RAI14: variants seen among roughly 807,000 people sequenced by gnomAD.
RAI14 encodes ankycorbin.
RAI14 carries 45 observed loss-of-function variants against 115.4 expected under a neutral mutation model. The ratio of observed to expected loss-of-function variants is 0.39; its 90% CI spans 0.31 to 0.50. The LOEUF is 0.50. RAI14 is among the 20% of genes least tolerant of loss of function. RAI14 has a pLI of 0.85. For synonymous variants in RAI14, 371 were observed against 415.4 expected, an observed-to-expected ratio of 0.89 and a Z score of 1.30; for missense variants, 939 against 1,131.2, an observed-to-expected ratio of 0.83 and a Z score of 2.44.
At chr5:34,825,267 C>T (rs2150306564) in intron 15 of RAI14, among the ~76,000 whole-genome samples, 1 of 152,200 alleles carries the variant, frequency 6.6e-6, no homozygotes, top group South Asian at 2.1e-4. Context: ...AGAGTGAGAC[C>T]CTGCCTCAAA....
intron 2 of RAI14, among the ~76,000 whole-genome samples, chr5:34,730,787 A>T (rs941386767): frequency 3.9e-5 from 4 of 101,896 alleles, no homozygotes; most frequent in Non-Finnish European, 1.0e-4. Flanking sequence ...GTTCAAGACC[A>T]GCCTGGCCAA....
intron 1 of RAI14, among the ~76,000 whole-genome samples, chr5:34,672,736 T>C (rs1743704576): frequency 6.6e-6 from 1 of 152,160 alleles, no homozygotes; most frequent in Non-Finnish European, 1.5e-5. Flanking sequence ...GGTGACAGTG[T>C]GTTTTCATAT....
At chr5:34,767,537 T>C (rs890616986) in intron 3 of RAI14, among the ~76,000 whole-genome samples, 1 of 152,082 alleles carries the variant, frequency 6.6e-6, no homozygotes, top group East Asian at 1.9e-4. Flanking sequence ...GAAGCACTTC[T>C]GCTTTCCCTG....
At chr5:34,734,285 TC>T (rs1744576293) in intron 2 of RAI14, among the ~76,000 whole-genome samples, 1 of 152,200 alleles carries the variant, frequency 6.6e-6, no homozygotes, top group Non-Finnish European at 1.5e-5. Context: ...GCACTGCTCT[TC>T]CCTTGAGGGA....
intron 2 of RAI14, among the ~76,000 whole-genome samples, chr5:34,730,993 G>A (rs1287904347): frequency 1.3e-5 from 2 of 151,992 alleles, no homozygotes; most frequent in Non-Finnish European, 2.9e-5. Context: ...TCAAAAGAAA[G>A]GAAGAAAAAA....
At position 34,686,955 on chromosome 5, in the gene RAI14, C is replaced by T. The variant is rs1398528630; in HGVS notation, c.36C>T (p.Asp12=). The T allele has an allele frequency of 1.2e-5, 20 of 1,613,726 alleles. No individual in the cohort carries two copies. The Middle Eastern group carries it at 5.0e-4, about 40-fold the overall frequency. Residue 12 remains aspartate (D), a splice_region_variant and synonymous_variant, in exon 2 of 18, where the codon GAC becomes GAT. Transcript: ENST00000265109. ...KSLKAKFRKS[D]TNEWNKNDDR... ...TGAAAGCGAAGTTCAGGAAGAGTGA[C>T]GTGAGTATGCGGTGACTCACAGTCT... is the stretch of plus-strand genomic sequence containing the variant.
chr5:34,782,949 G>C (rs1350079492), intron 3 of RAI14, among the ~76,000 whole-genome samples: 1 of 152,124 alleles, frequency 6.6e-6, no homozygotes, highest in Admixed American at 6.5e-5. Context: ...TTTCTGGCCA[G>C]GTCCAATTCT....
In RAI14 at chr5:34,796,030, A is replaced by G; in HGVS notation, c.256+3A>G. The G allele has an allele frequency of 1.9e-6, 3 of 1,604,468 alleles. No homozygotes were observed. The highest frequency in any genetic ancestry group is 2.6e-6 in the Non-Finnish European group (3 of 1,171,766). Reference sequence around the variant, plus strand: ...TGTGACAGCCCAAGATACTACCGGTATGTGGTTTTTAGTCTCTTAAGTCAG... The same window carrying G: ...TGTGACAGCCCAAGATACTACCGGTGTGTGGTTTTTAGTCTCTTAAGTCAG... On this transcript the variant is annotated splice_donor_region_variant and intron_variant, in intron 4 of 17. Transcript: ENST00000265109.
At chr5:34,688,080 A>G in intron 2 of RAI14, 1 of 1,456,928 alleles carries the variant, frequency 6.9e-7, no homozygotes. Flanking sequence ...AAATTAAATA[A>G]AACTCATAGA....
intron 2 of RAI14, among the ~76,000 whole-genome samples, chr5:34,756,497 C>T (rs2150088796): frequency 6.6e-6 from 1 of 152,300 alleles, no homozygotes; most frequent in East Asian, 1.9e-4. Context: ...GGGCCGGGCG[C>T]AGGAGACGAC....
At chr5:34,776,463 A>T (rs72730590) in intron 3 of RAI14, among the ~76,000 whole-genome samples, 34,141 of 152,022 alleles carry the variant, frequency 0.22, 5,055 homozygotes, top group Non-Finnish European at 0.31. Context: ...CTTGAAGTGG[A>T]GGATACCCCC....
At chr5:34,783,662 G>A (rs1561357834) in intron 3 of RAI14, among the ~76,000 whole-genome samples, 1 of 152,164 alleles carries the variant, frequency 6.6e-6, no homozygotes, top group Non-Finnish European at 1.5e-5. Flanking sequence ...CATATGTGGT[G>A]TTCTGTACTC....
intron 5 of RAI14, among the ~76,000 whole-genome samples, chr5:34,806,824 G>C (rs1754961002): frequency 6.6e-6 from 1 of 152,204 alleles, no homozygotes; most frequent in Non-Finnish European, 1.5e-5. Context: ...GGGTTATCAA[G>C]CCTAGCGCTT....
At chr5:34,752,304 C>T (rs1185043483) in intron 2 of RAI14, among the ~76,000 whole-genome samples, 2 of 152,050 alleles carry the variant, frequency 1.3e-5, no homozygotes, top group African/African-American at 2.4e-5. Flanking sequence ...TTTGCTAAGT[C>T]GAGAGTGATT....
chr5:34,695,201 G>T (rs1350843038), intron 2 of RAI14, among the ~76,000 whole-genome samples: 2 of 152,124 alleles, frequency 1.3e-5, no homozygotes, highest in Non-Finnish European at 2.9e-5. Context: ...TGCCTGGCCT[G>T]TTCATTCTTT....
chr5:34,746,657 A>G (rs1440913373), intron 2 of RAI14, among the ~76,000 whole-genome samples: 2 of 152,224 alleles, frequency 1.3e-5, no homozygotes, highest in East Asian at 3.9e-4. Flanking sequence ...TGCCCGCCTC[A>G]GCCTCCCAAT....
chr5:34,822,222 G>A lies in RAI14; in HGVS notation c.1113+372G>A, dbSNP rs139538653. ...GATTTTATATATATTAAAATTTTAC[G>A]TTTTAAATTATATATGTATGTGTGT... On this transcript the variant is annotated intron_variant, in intron 14 of 17. Coordinates refer to ENST00000265109, the MANE Select transcript of RAI14 (RefSeq NM_015577.3). Among the ~76,000 whole-genome samples the A allele has an allele frequency of 4.0e-3, 529 of 131,004 alleles. 8 individuals carry two copies. The highest frequency in any genetic ancestry group is 0.014 in the African/African-American group (485 of 34,802). The allele number at this position is 131,004 out of a possible 152,430, so 85.9% of individuals were successfully genotyped here.
chr5:34,682,964 G>C (rs1004003273), intron 1 of RAI14, among the ~76,000 whole-genome samples: 2 of 152,188 alleles, frequency 1.3e-5, no homozygotes, highest in African/African-American at 2.4e-5. Context: ...CTCAGCCTGG[G>C]CTTTAGAAGT....
intron 2 of RAI14, among the ~76,000 whole-genome samples, chr5:34,755,048 T>C (rs1359041636): frequency 6.6e-6 from 1 of 152,212 alleles, no homozygotes; most frequent in African/African-American, 2.4e-5. Flanking sequence ...ACTTTTCTCT[T>C]TTAGGATTCT....
Sources: allele counts gnomAD v4.1 joint callset (sites outside exome capture counted in the v4.1 genomes callset), GRCh38; gene constraint gnomAD v4.1.1; transcripts MANE v1.5; gene names NCBI Gene and HGNC (gene_info 2026-07-23, HGNC 2026-07-21).